The following STAB1 variants were observed in gnomAD, a reference collection of about 807,000 sequenced individuals.
The protein encoded by STAB1 is stabilin-1.
A neutral mutation model predicts 332.4 loss-of-function variants in STAB1; 250 were observed. The observed-to-expected ratio is 0.75, with a 90% CI of 0.68 to 0.84. STAB1 has a LOEUF of 0.84. Ranked by LOEUF, STAB1 falls within the 40% of genes least tolerant of loss-of-function variation. The pLI, the probability that STAB1 is intolerant of heterozygous loss-of-function variation, is 0.00. For missense variants in STAB1, 3,249 were observed against 3,489.7 expected, an observed-to-expected ratio of 0.93 and a Z score of 1.74; for synonymous variants, 1,475 against 1,390.4, an observed-to-expected ratio of 1.06 and a Z score of -1.35.
At chr3:52,517,832 G>T in intron 44 of STAB1, 49 bp from the exon 45 acceptor site, 2 of 1,611,358 alleles carry the variant, frequency 1.2e-6, no homozygotes, top group South Asian at 1.1e-5. Context: ...GAGTGGGATA[G>T]AGAAGTAGTG....
At chr3:52,516,925 C>G in intron 41 of STAB1, 59 bp from the exon 42 acceptor site, 3 of 1,606,418 alleles carry the variant, frequency 1.9e-6, no homozygotes, top group Non-Finnish European at 2.5e-6. Flanking sequence ...GCCCTCCTCT[C>G]CTGTCCTGCC....
chr3:52,505,867 C>G lies in STAB1; in HGVS notation c.1696-16C>G. 1 of 1,612,016 alleles carries G rather than the reference C, an allele frequency of 6.2e-7. No individual in the cohort carries two copies. The highest frequency in any genetic ancestry group is 8.5e-7 in the Non-Finnish European group (1 of 1,179,304). On this transcript the variant is annotated splice_polypyrimidine_tract_variant and intron_variant, in intron 15 of 68. Coordinates refer to ENST00000321725, the MANE Select transcript of STAB1 (RefSeq NM_015136.3). The stretch of plus-strand genomic sequence containing the variant: ...ACAGTTCCTCCAGGAGCCAAACCCT[C>G]TCTCTCCCCTGCCAGGGTCTCTCTA...
Position 52,522,612 on chromosome 3 carries a change from T to C in STAB1, c.6668T>C (p.Phe2223Ser). ...ACCAGCGGCCCTTATGGTCTGAACT[T>C]TTCGGAGGCTGAGGCGGCATGCGAA... ...QATSGPYGLN[F>S]SEAEAACEAQ... The change falls in exon 61 of 69, where the codon TTT becomes TCT. Residue 2223 changes from phenylalanine to serine, a missense_variant. By Grantham distance (155) the Phe-to-Ser change is radical. Transcript: ENST00000321725. The C allele has an allele frequency of 1.2e-6, 2 of 1,612,978 alleles. No individual in the cohort carries two copies. Among genetic ancestry groups the C allele is most frequent in the Non-Finnish European group, 1.7e-6 (2 of 1,180,038 alleles).
rs1343897252 is a variant in STAB1 at position 52,524,199 on chromosome 3, T to C, written c.7642T>C (p.Cys2548Arg). 3 of 1,613,984 alleles carry C rather than the reference T, an allele frequency of 1.9e-6. No individual in the cohort carries two copies. The highest frequency in any genetic ancestry group is 2.5e-6 in the Non-Finnish European group (3 of 1,180,036). Residue 2548 changes from cysteine (C) to arginine (R), a missense_variant, in exon 68 of 69, where the codon TGT becomes CGT. Physicochemically the swap from Cys to Arg is radical, Grantham distance 180 (BLOSUM62 -3). Coordinates refer to ENST00000321725, the MANE Select transcript of STAB1 (RefSeq NM_015136.3). The stretch of plus-strand genomic sequence containing the variant: ...CCCTGTCTTTGGCAGCGACACCTTT[T>C]GTGAACCCTTCGATGTAAGCATGGA... ...PNPVFGSDTF[C>R]EPFDDSLLEE...
Position 52,514,774 on chromosome 3 carries a change from G to A in STAB1, c.3752G>A (p.Gly1251Glu). The A allele has an allele frequency of 1.9e-6, 3 of 1,612,992 alleles. No individual in the cohort carries two copies. Among genetic ancestry groups the A allele is most frequent in the Non-Finnish European group, 2.5e-6 (3 of 1,179,992 alleles). Residue 1251 changes from glycine (G) to glutamate (E), a missense_variant, in exon 35 of 69, where the codon GGG (glycine) becomes GAG (glutamate). Gly to Glu is a moderately conservative substitution (Grantham distance 98). Coordinates refer to ENST00000321725, the MANE Select transcript of STAB1 (RefSeq NM_015136.3). ...GGCCGCTCGCTGATTGGTCTGTCGGGGGTCCTGACGGTGGGCTCAAGTCGC... is the reference window on the plus strand; with the variant it reads ...GGCCGCTCGCTGATTGGTCTGTCGGAGGTCCTGACGGTGGGCTCAAGTCGC... Reference protein sequence around the residue: ...APGRSLIGLSGVLTVGSSRCL... With the variant: ...APGRSLIGLSEVLTVGSSRCL...
In STAB1 at chr3:52,522,904, T is replaced by G. The variant is rs1161440675; in HGVS notation, c.6874T>G (p.Ser2292Ala). The G allele has an allele frequency of 1.2e-6, 2 of 1,613,244 alleles. No individual in the cohort carries two copies. The highest frequency in any genetic ancestry group is 1.7e-6 in the Non-Finnish European group (2 of 1,180,012). Residue 2292 changes from serine (S) to alanine (A), a missense_variant, in exon 62 of 69, where the codon TCA becomes GCA. Transcript: ENST00000321725. ...IVSLGARKNL[S>A]ERWDAYCFRV... ...CAGCCTGGGTGCCCGCAAGAACCTCTCAGAACGCTGGGATGCCTACTGCTT... is the reference window on the plus strand; with the variant it reads ...CAGCCTGGGTGCCCGCAAGAACCTCGCAGAACGCTGGGATGCCTACTGCTT...
chr3:52,509,047 G>T (rs879063859), intron 21 of STAB1, among the ~76,000 whole-genome samples, 163 bp from the exon 22 acceptor site: 6 of 152,192 alleles, frequency 3.9e-5, no homozygotes, highest in Non-Finnish European at 7.3e-5. Context: ...CCTTTTAGGG[G>T]CTAGGTCTTT....
chr3:52,511,554 T>TC (rs1242356873), intron 25 of STAB1, 96 bp from the exon 26 acceptor site: 1 of 1,185,722 alleles, frequency 8.4e-7, no homozygotes, highest in African/African-American at 1.5e-5. Flanking sequence ...TGGGCAGACC[T>TC]CCCTGGGGGC....
At chr3:52,497,964 G>A (rs935115408) in intron 1 of STAB1, among the ~76,000 whole-genome samples, 5 of 152,292 alleles carry the variant, frequency 3.3e-5, no homozygotes, top group East Asian at 1.9e-4. Context: ...GCTTTTCACC[G>A]AGGGCACGTG....
In STAB1 at chr3:52,507,827, G is replaced by A. The variant is rs549309797; in HGVS notation, c.2053-104G>A. 46 of 1,452,960 alleles carry A rather than the reference G, an allele frequency of 3.2e-5. No individual in the cohort carries two copies. In the African/African-American group the frequency reaches 5.2e-4, roughly 16 times the overall value. The allele number at this position is 1,452,960 out of a possible 1,614,324, so 90.0% of individuals were successfully genotyped here. On this transcript the variant is annotated intron_variant, in intron 19 of 68. Transcript: ENST00000321725. ...TCGCAGCCCCACTGGACCAGGGTTA[G>A]AGTTCTGGACCCAGGGGGCAGAGGT...
intron 45 of STAB1, 118 bp from the exon 46 acceptor site, chr3:52,518,194 C>G: frequency 6.5e-7 from 1 of 1,539,774 alleles, no homozygotes; most frequent in Non-Finnish European, 8.8e-7. Flanking sequence ...AACTCAGACC[C>G]CGCGGCTTTC....
chr3:52,518,276 G>A (rs1193489339), intron 45 of STAB1, 36 bp from the exon 46 acceptor site: 4 of 1,608,588 alleles, frequency 2.5e-6, no homozygotes, highest in Non-Finnish European at 3.4e-6. Flanking sequence ...CTGAATGGGG[G>A]CCGCCCCAAA....
rs770356720 is a variant in STAB1 at position 52,511,707 on chromosome 3, G to A, written c.2845G>A (p.Asp949Asn). The A allele has an allele frequency of 7.5e-6, 12 of 1,607,464 alleles. No individual in the cohort carries two copies. The highest frequency in any genetic ancestry group is 5.0e-5 in the Admixed American group (3 of 59,694). The change falls in exon 26 of 69, where the codon GAC becomes AAC. Residue 949 changes from aspartate (D) to asparagine (N), a missense_variant. By Grantham distance (23) the Asp-to-Asn change is conservative. Coordinates refer to ENST00000321725, the MANE Select transcript of STAB1 (RefSeq NM_015136.3). Reference sequence around the variant, plus strand: ...GGATGGCTACCAGTGCAGCCCCATCGACCCCTGCCGGGCAGGCAATGGCGG... The same window carrying A: ...GGATGGCTACCAGTGCAGCCCCATCAACCCCTGCCGGGCAGGCAATGGCGG... ...AGDGYQCSPI[D>N]PCRAGNGGCH...
rs755342239 is a variant in STAB1, at chr3:52,524,449, T to G, written c.*93T>G. ...TGGGGCAGGAGGGGCTGAGGGCCTG[T>G]CCCAGACAATAAAGGTGCCCTCAGC... On this transcript the variant is annotated 3_prime_UTR_variant, in exon 69 of 69. Transcript: ENST00000321725. 14 of 1,612,534 alleles carry G rather than the reference T, an allele frequency of 8.7e-6. No homozygotes were observed. The highest frequency in any genetic ancestry group is 1.2e-5 in the Non-Finnish European group (14 of 1,179,802).
rs2079074069 is a variant in STAB1 at position 52,521,600 on chromosome 3, C to A, written c.6063C>A (p.Cys2021Ter). Residue 2021 changes from cysteine to a stop codon, truncating the protein, a stop_gained, in exon 57 of 69, where the codon TGC (cysteine) becomes TGA (stop). Coordinates refer to ENST00000321725, the MANE Select transcript of STAB1 (RefSeq NM_015136.3). LOFTEE classifies it high-confidence loss of function. ...CCTGCCTGTCCCTCTCCCCAGCCTG[C>A]CGCTGCACTGTGCATGGCCGCTGTG... Reference protein sequence around the residue: ...PGAFGPHCQACRCTVHGRCDE... With the variant: ...PGAFGPHCQA The A allele has an allele frequency of 1.2e-6, 2 of 1,612,726 alleles. No individual in the cohort carries two copies. The highest frequency in any genetic ancestry group is 2.2e-5 in the South Asian group (2 of 90,976).
chr3:52,517,921 C>G lies in STAB1; in HGVS notation c.4679C>G (p.Thr1560Arg), dbSNP rs1455734000. The G allele has an allele frequency of 1.2e-6, 2 of 1,611,590 alleles. No individual in the cohort carries two copies. The highest frequency in any genetic ancestry group is 1.3e-5 in the African/African-American group (1 of 74,860). Residue 1560 changes from threonine (T) to arginine (R), a missense_variant, in exon 45 of 69, where the codon ACA becomes AGA. Coordinates refer to ENST00000321725, the MANE Select transcript of STAB1 (RefSeq NM_015136.3). ...GCSPYATCKSTGDGQRTCTCD... is the reference protein window; with the variant it reads ...GCSPYATCKSRGDGQRTCTCD... Reference sequence around the variant, plus strand: ...AGCCCATATGCCACCTGCAAAAGCACAGGGGATGGCCAGAGGACATGTACC... The same window carrying G: ...AGCCCATATGCCACCTGCAAAAGCAGAGGGGATGGCCAGAGGACATGTACC...
rs751629330 is a variant in STAB1 at position 52,523,012 on chromosome 3, G to C, written c.6911-13G>C. 12 of 1,584,674 alleles carry C rather than the reference G, an allele frequency of 7.6e-6. No homozygotes were observed. The Admixed American group carries it at 1.7e-4, about 22-fold the overall frequency. On this transcript the variant is annotated splice_polypyrimidine_tract_variant and intron_variant, in intron 62 of 68. Transcript: ENST00000321725. Reference sequence around the variant, plus strand: ...CACCAATCTGCTGAGCCACTGACCTGCTTTTCCTGCAGATGTGGCCTGCCG... The same window carrying C: ...CACCAATCTGCTGAGCCACTGACCTCCTTTTCCTGCAGATGTGGCCTGCCG...
intron 12 of STAB1, 57 bp downstream of exon 12, chr3:52,504,933 C>T: frequency 1.2e-6 from 2 of 1,612,750 alleles, no homozygotes; most frequent in African/African-American, 1.3e-5. Flanking sequence ...CAAGGGTGTG[C>T]AGGTGGGAGG....
At position 52,519,401 on chromosome 3, in the gene STAB1, G is replaced by A. The variant is rs1457336752; in HGVS notation, c.5172G>A (p.Pro1724=). The part of the protein sequence containing the change: ...LHWEPDDAPI[P]RRNVTAAAQG... ...GGGAGCCTGATGATGCTCCCATCCCGAGGGTATGACAAGCACGGGCCTGGG... is the reference window on the plus strand; with the variant it reads ...GGGAGCCTGATGATGCTCCCATCCCAAGGGTATGACAAGCACGGGCCTGGG... Residue 1724 remains proline (P), a synonymous_variant, in exon 49 of 69, where the codon CCG becomes CCA. Transcript: ENST00000321725. 2 of 1,613,018 alleles carry A rather than the reference G, an allele frequency of 1.2e-6. No individual in the cohort carries two copies. The highest frequency in any genetic ancestry group is 2.2e-5 in the East Asian group (1 of 44,888).
Sources: gnomAD v4.1 joint callset for allele counts (sites outside exome capture counted in the v4.1 genomes callset) on GRCh38, gnomAD v4.1.1 for gene constraint, MANE v1.5 for transcripts, NCBI Gene and HGNC (gene_info 2026-07-23, HGNC 2026-07-21) for gene names.